Variants in PPARGC1A observed in about 807,000 individuals in gnomAD.
PPARGC1A encodes the protein peroxisome proliferator-activated receptor gamma coactivator 1-alpha.
Under a neutral mutation model 88.7 loss-of-function variants are expected in PPARGC1A, and 25 were observed. The ratio of observed to expected loss-of-function variants is 0.28; its 90% CI spans 0.21 to 0.39. The LOEUF (loss-of-function observed/expected upper bound fraction) is 0.39, where lower values mean the gene tolerates loss of function less well. Among genes scored for constraint, PPARGC1A ranks in the 10% least tolerant of loss-of-function variants. The probability of loss-of-function intolerance (pLI) is 1.00; values close to 1 mark genes in which losing one functional copy is unlikely to be tolerated. For missense variants in PPARGC1A, 880 were observed against 968.7 expected (o/e 0.91, Z 1.22); for synonymous variants, 363 against 355.6 (o/e 1.02, Z -0.24).
chr4:24,115,751 T>A, the PPARGC1A span, among the ~76,000 whole-genome samples: 1 of 152,166 alleles, frequency 6.6e-6, no homozygotes, highest in African/African-American at 2.4e-5. Context: ...ATGGCTCTTC[T>A]TCATTTCCCT....
intron 2 of PPARGC1A, among the ~76,000 whole-genome samples, chr4:23,841,648 G>A (rs1577469817): frequency 6.6e-6 from 1 of 152,010 alleles, no homozygotes; most frequent in East Asian, 1.9e-4. Context: ...CAAACCTGGA[G>A]CCATTTTAAA....
chr4:24,460,761 C>A, the PPARGC1A span, among the ~76,000 whole-genome samples: 1 of 152,154 alleles, frequency 6.6e-6, no homozygotes, highest in Admixed American at 6.5e-5. Context: ...GCTTCCTGGG[C>A]CTCACAGTGT....
chr4:24,400,258 G>A, the PPARGC1A span, among the ~76,000 whole-genome samples: 1 of 152,148 alleles, frequency 6.6e-6, no homozygotes, highest in African/African-American at 2.4e-5. Flanking sequence ...GGAGTCAGAG[G>A]GCTGGGGAAG....
the PPARGC1A span, among the ~76,000 whole-genome samples, chr4:24,395,050 CT>C: frequency 0.014 from 2,073 of 152,284 alleles, 42 homozygotes; most frequent in East Asian, 0.095. Flanking sequence ...CAGACCTGAG[CT>C]AGAAATACCT....
chr4:24,271,899 T>C, the PPARGC1A span, among the ~76,000 whole-genome samples: 2 of 152,182 alleles, frequency 1.3e-5, no homozygotes, highest in Admixed American at 1.3e-4. Flanking sequence ...TGTATATACA[T>C]GTATGGTATA....
the PPARGC1A span, among the ~76,000 whole-genome samples, chr4:24,357,296 C>T: frequency 2.0e-5 from 3 of 152,196 alleles, no homozygotes; most frequent in African/African-American, 7.2e-5. Context: ...CAGTACTTGT[C>T]CAAGGCCAGA....
the PPARGC1A span, among the ~76,000 whole-genome samples, chr4:24,434,277 T>C: frequency 6.6e-6 from 1 of 152,190 alleles, no homozygotes; most frequent in Non-Finnish European, 1.5e-5. Flanking sequence ...ATTGCTAAGC[T>C]AGAATCATGA....
chr4:24,465,365 A>G, the PPARGC1A span, among the ~76,000 whole-genome samples: 1 of 152,208 alleles, frequency 6.6e-6, no homozygotes, highest in Non-Finnish European at 1.5e-5. Flanking sequence ...AAACATTTTA[A>G]TATAATTATT....
intron 10 of PPARGC1A, among the ~76,000 whole-genome samples, chr4:23,805,269 G>A (rs1362581045): frequency 6.6e-6 from 1 of 151,078 alleles, no homozygotes; most frequent in Non-Finnish European, 1.5e-5. Context: ...TCAGCTGAGT[G>A]AAGAAACAAA....
chr4:24,214,049 C>T, the PPARGC1A span, among the ~76,000 whole-genome samples: 2 of 152,120 alleles, frequency 1.3e-5, no homozygotes, highest in Non-Finnish European at 2.9e-5. Flanking sequence ...ATAAAAATTC[C>T]GATCAGAATG....
At chr4:24,432,724 G>A in the PPARGC1A span, among the ~76,000 whole-genome samples, 1 of 152,172 alleles carries the variant, frequency 6.6e-6, no homozygotes, top group African/African-American at 2.4e-5. Flanking sequence ...TGAGTGTCTT[G>A]TCTACAACTG....
the PPARGC1A span, among the ~76,000 whole-genome samples, chr4:24,338,834 T>C: frequency 1.3e-5 from 2 of 152,092 alleles, no homozygotes; most frequent in South Asian, 2.1e-4. Context: ...CACTGGGATG[T>C]TAGCCTCCCT....
At chr4:23,803,968 T>C (rs1719264076) in intron 10 of PPARGC1A, among the ~76,000 whole-genome samples, 1 of 152,342 alleles carries the variant, frequency 6.6e-6, no homozygotes, top group Non-Finnish European at 1.5e-5. Context: ...CGACAAGCAT[T>C]TGTGAAATGT....
chr4:24,031,032 G>T, the PPARGC1A span, among the ~76,000 whole-genome samples: 1 of 152,058 alleles, frequency 6.6e-6, no homozygotes, highest in African/African-American at 2.4e-5. Flanking sequence ...GGTCTGGAAC[G>T]ATTAGTAGGA....
the PPARGC1A span, among the ~76,000 whole-genome samples, chr4:23,972,781 C>T: frequency 6.6e-6 from 1 of 152,262 alleles, no homozygotes; most frequent in East Asian, 1.9e-4. Context: ...TTTCATCTGT[C>T]AGAATCTGGT....
the PPARGC1A span, among the ~76,000 whole-genome samples, chr4:24,043,226 G>T: frequency 6.6e-6 from 1 of 152,104 alleles, no homozygotes; most frequent in East Asian, 1.9e-4. Flanking sequence ...GCTGTCTCCA[G>T]CTCACCTATG....
At chr4:24,387,920 AAGAAAG>A in the PPARGC1A span, among the ~76,000 whole-genome samples, 2,125 of 18,488 alleles carry the variant, frequency 0.11, 117 homozygotes, top group East Asian at 0.43. Flanking sequence ...GAAAGAAAGA[AAGAAAG>A]AAAGAAAGAG....
chr4:24,169,762 G>T, the PPARGC1A span, among the ~76,000 whole-genome samples: 1 of 152,018 alleles, frequency 6.6e-6, no homozygotes, highest in African/African-American at 2.4e-5. Context: ...CCAGTTACCT[G>T]GGAGGAGGAG....
the PPARGC1A span, among the ~76,000 whole-genome samples, chr4:24,272,694 C>T: frequency 3.3e-5 from 5 of 152,210 alleles, no homozygotes; most frequent in Non-Finnish European, 7.3e-5. Context: ...CATCATAAAG[C>T]GTCTTTCCTT....
Sources: gnomAD v4.1 joint callset for allele counts (sites outside exome capture counted in the v4.1 genomes callset) on GRCh38, gnomAD v4.1.1 for gene constraint, MANE v1.5 for transcripts, NCBI Gene and HGNC (gene_info 2026-07-23, HGNC 2026-07-21) for gene names.